GRM4: variants seen among roughly 807,000 people sequenced by gnomAD.
GRM4 encodes glutamate metabotropic receptor 4.
In GRM4, 28 loss-of-function variants were observed where a neutral mutation model predicts 81.7. That is an observed-to-expected ratio of 0.34 (90% CI 0.25 to 0.47). GRM4 has a LOEUF of 0.47. GRM4 is among the 20% of genes least tolerant of loss of function. The pLI, the probability that GRM4 is intolerant of heterozygous loss-of-function variation, is 1.00. For synonymous variants in GRM4, 488 were observed against 528.8 expected (o/e 0.92, Z 1.06); for missense variants, 948 against 1,290.0 (o/e 0.73, Z 4.06).
At chr6:34,077,432 CG>C (rs527378789) in intron 3 of GRM4, among the ~76,000 whole-genome samples, 19 of 152,238 alleles carry the variant, frequency 1.2e-4, no homozygotes, top group African/African-American at 4.6e-4. Flanking sequence ...CCACTCCTGT[CG>C]ACACCATCTT....
At chr6:34,055,969 C>A (rs2127458475) in intron 6 of GRM4, 2 of 152,490 alleles carry the variant, frequency 1.3e-5, no homozygotes, top group Middle Eastern at 3.4e-3. Flanking sequence ...ACTTTCCGTT[C>A]TTTTTATTGT....
chr6:34,135,698 T>G (rs953769471), intron 1 of GRM4, among the ~76,000 whole-genome samples: 12 of 152,090 alleles, frequency 7.9e-5, no homozygotes, highest in African/African-American at 2.9e-4. Flanking sequence ...GTGAATGAAT[T>G]TATCAGATCT....
At position 34,035,962 on chromosome 6, in the gene GRM4, C is replaced by T; in HGVS notation, c.2148G>A (p.Val716=). Residue 716 remains valine (V), a synonymous_variant, in exon 9 of 11, where the codon GTG becomes GTA. Transcript: ENST00000538487. This position sits in a 1 kb window ranked among gnomAD's most constrained non-coding sequence, Gnocchi z 6.6. Reference sequence around the variant, plus strand: ...AGTGGGAGGGGTCCACCACAAACCACACACAGATGCCCAGCAGCTGCAGCG... The same window carrying T: ...AGTGGGAGGGGTCCACCACAAACCATACACAGATGCCCAGCAGCTGCAGCG... ...LISLQLLGIC[V]WFVVDPSHSV... is the part of the protein sequence containing the mutation. 1.9e-6 allele frequency: 3 copies of T among 1,613,608 alleles called. No individual in the cohort carries two copies. Among genetic ancestry groups the T allele is most frequent in the Middle Eastern group, 1.6e-4 (1 of 6,062 alleles).
At chr6:34,103,435 C>T in intron 2 of GRM4, 1 of 661,084 alleles carries the variant, frequency 1.5e-6, no homozygotes, top group South Asian at 1.7e-5. Flanking sequence ...AAGGAGGCGG[C>T]TCGATGCAGG....
At chr6:34,044,537 TAC>T (rs1373195318) in intron 6 of GRM4, among the ~76,000 whole-genome samples, 3 of 129,558 alleles carry the variant, frequency 2.3e-5, no homozygotes, top group Admixed American at 7.4e-5. Context: ...TACACATATA[TAC>T]AGACACACAC....
At position 34,019,188 on chromosome 6, in the gene GRM4, A is replaced by T. The variant is rs904728625; in HGVS notation, c.*3633T>A. On this transcript the variant is annotated 3_prime_UTR_variant, in exon 11 of 11. Transcript: ENST00000538487. ...CCTGAGAAGTAAGGATGGGAGGGGCAGACCATAAGACATTAGAGCTCAGAA... is the reference window on the plus strand; with the variant it reads ...CCTGAGAAGTAAGGATGGGAGGGGCTGACCATAAGACATTAGAGCTCAGAA... 1.3e-5 allele frequency: 2 copies of T among 152,306 alleles called. No individual in the cohort carries two copies. Among genetic ancestry groups the T allele is most frequent in the African/African-American group, 4.8e-5 (2 of 41,442 alleles). 9.4% of individuals were successfully genotyped at this position (152,306 alleles called of 1,614,324 possible).
At chr6:34,044,077 GACAC>G (rs139572683) in intron 6 of GRM4, among the ~76,000 whole-genome samples, 1 of 144,446 alleles carries the variant, frequency 6.9e-6, no homozygotes, top group Non-Finnish European at 1.5e-5. Flanking sequence ...TATATACACA[GACAC>G]ACACACACAC....
intron 2 of GRM4, among the ~76,000 whole-genome samples, chr6:34,120,443 A>G (rs1050032331): frequency 1.4e-4 from 22 of 152,230 alleles, no homozygotes; most frequent in Admixed American, 1.1e-3. Flanking sequence ...TACTTTCCTA[A>G]TTGATTTTGT....
intron 2 of GRM4, among the ~76,000 whole-genome samples, chr6:34,107,606 G>C (rs1050286794): frequency 3.3e-5 from 5 of 152,188 alleles, no homozygotes; most frequent in African/African-American, 1.2e-4. Flanking sequence ...ACACCTGGAA[G>C]AGAGGTAGGC....
intron 2 of GRM4, among the ~76,000 whole-genome samples, chr6:34,100,910 G>A (rs1768799390): frequency 6.6e-6 from 1 of 152,216 alleles, no homozygotes; most frequent in African/African-American, 2.4e-5. Context: ...CCTGAGTAGA[G>A]TGCCTAGCCA....
intron 4 of GRM4, chr6:34,061,673 T>A (rs1766184756): frequency 2.1e-6 from 1 of 466,966 alleles, no homozygotes; most frequent in Non-Finnish European, 3.8e-6. Flanking sequence ...GTGGAATGGA[T>A]GCAGGAAATG....
Position 34,059,138 on chromosome 6 carries a change from C to T in GRM4, c.873-10G>A, listed in dbSNP as rs368909143. On this transcript the variant is annotated splice_polypyrimidine_tract_variant and intron_variant, in intron 4 of 10. Transcript: ENST00000538487. This position sits in a 1 kb window ranked among gnomAD's most constrained non-coding sequence, Gnocchi z 5.7. ...TGCCTCCAGCACACGCCTGTAGGAACATACACCAGCCCAGCCCAGCCGCGT... is the reference window on the plus strand; with the variant it reads ...TGCCTCCAGCACACGCCTGTAGGAATATACACCAGCCCAGCCCAGCCGCGT... 1.5e-5 allele frequency: 25 copies of T among 1,613,124 alleles called. No homozygotes were observed. Among genetic ancestry groups the T allele is most frequent in the Non-Finnish European group, 2.1e-5 (25 of 1,179,826 alleles).
chr6:34,028,229 GAGGCTGCGCT>G lies in GRM4; in HGVS notation c.2570_2579del (p.Lys857ThrfsTer97), dbSNP rs1393621734. 1.9e-6 allele frequency: 3 copies of G among 1,614,008 alleles called. No individual in the cohort carries two copies. The highest frequency in any genetic ancestry group is 1.3e-5 in the African/African-American group (1 of 74,954). On this transcript the variant is annotated frameshift_variant, in exon 10 of 11. Transcript: ENST00000538487. LOFTEE classifies it high-confidence loss of function. Reference sequence around the variant, plus strand: ...TGGTGGCCGCCGTAACGACGGCTTTGAGGCTGCGCTTGCGCTTGGGCACGTTCTGCTCCGG... The same window carrying G: ...TGGTGGCCGCCGTAACGACGGCTTTGTGCGCTTGGGCACGTTCTGCTCCGG...
At chr6:34,119,313 T>G (rs543684333) in intron 2 of GRM4, among the ~76,000 whole-genome samples, 1 of 152,262 alleles carries the variant, frequency 6.6e-6, no homozygotes, top group Admixed American at 6.5e-5. Context: ...GGAGGATTGC[T>G]TGAAACCAGG....
chr6:34,028,014 G>A, intron 10 of GRM4, 106 bp downstream of exon 10: 1 of 1,266,412 alleles, frequency 7.9e-7, no homozygotes, highest in Non-Finnish European at 1.1e-6. Context: ...CCCCAGGATG[G>A]GGCATCGGGG....
intron 3 of GRM4, among the ~76,000 whole-genome samples, chr6:34,073,193 CACAA>C (rs987023112): frequency 2.9e-5 from 4 of 139,222 alleles, no homozygotes; most frequent in East Asian, 2.5e-4. Context: ...ATACACATTA[CACAA>C]ACACCCACAC....
chr6:34,121,693 C>T lies in GRM4; in HGVS notation c.519+11285G>A, dbSNP rs775375837. 3.3e-5 allele frequency among the ~76,000 whole-genome samples: 5 copies of T among 152,160 alleles called. No homozygotes were observed. The highest frequency in any genetic ancestry group is 5.9e-5 in the Non-Finnish European group (4 of 68,028). On this transcript the variant is annotated intron_variant, in intron 2 of 10. Transcript: ENST00000538487. This position sits in a 1 kb window ranked among gnomAD's most constrained non-coding sequence, Gnocchi z 4.6. ...GAGCATCCCTCCTCCTGGGGCACCACCTCTTAGCAAACCCCAGGGAGAAAC... is the reference window on the plus strand; with the variant it reads ...GAGCATCCCTCCTCCTGGGGCACCATCTCTTAGCAAACCCCAGGGAGAAAC...
intron 3 of GRM4, among the ~76,000 whole-genome samples, chr6:34,071,364 TCACCACACACATACA>T (rs1416710202): frequency 4.1e-5 from 1 of 24,312 alleles, no homozygotes; most frequent in Non-Finnish European, 7.6e-5. Flanking sequence ...CACACACACA[TCACCACACACATACA>T]CACCACACAC....
chr6:34,039,246 G>T (rs868770799), intron 8 of GRM4, among the ~76,000 whole-genome samples: 9 of 152,224 alleles, frequency 5.9e-5, no homozygotes, highest in Non-Finnish European at 1.3e-4. Context: ...AGAAGATAAG[G>T]TTGGGCTAAA....
Sources: allele counts gnomAD v4.1 joint callset (sites outside exome capture counted in the v4.1 genomes callset), GRCh38; gene constraint gnomAD v4.1.1; non-coding constraint Gnocchi (gnomAD v3.1); transcripts MANE v1.5; gene names NCBI Gene and HGNC (gene_info 2026-07-23, HGNC 2026-07-21).